Variants in MBTPS1 observed in about 807,000 individuals in gnomAD.
MBTPS1 encodes membrane bound transcription factor peptidase, site 1.
Under a neutral mutation model 127.8 loss-of-function variants are expected in MBTPS1, and 94 were observed. The observed-to-expected ratio is 0.74, with a 90% CI of 0.62 to 0.87. MBTPS1 has a LOEUF of 0.87. Ranked by LOEUF, MBTPS1 falls within the 40% of genes least tolerant of loss-of-function variation. The pLI is 0.00. For missense variants in MBTPS1, 1,636 were observed against 1,353.2 expected (o/e 1.21, Z -3.28); for synonymous variants, 632 against 509.4 (o/e 1.24, Z -3.24).
intron 11 of MBTPS1, among the ~76,000 whole-genome samples, chr16:84,077,532 G>GT (rs1478421545): frequency 2.0e-5 from 3 of 152,158 alleles, no homozygotes; most frequent in Non-Finnish European, 2.9e-5. Context: ...TAACAAATGG[G>GT]TGGCCATTTG....
Position 84,070,584 on chromosome 16 carries a change from C to T in MBTPS1, c.1782+4G>A, listed in dbSNP as rs1323885988. On this transcript the variant is annotated splice_donor_region_variant and intron_variant, in intron 13 of 22. Coordinates refer to ENST00000343411, the MANE Select transcript of MBTPS1 (RefSeq NM_003791.4). ...AAACAAGCCACTTTCCCGCATATCC[C>T]TACCTCTGTCTCTGCTGGGGAAGCC... 4 of 1,611,216 alleles carry T rather than the reference C, an allele frequency of 2.5e-6. No individual in the cohort carries two copies. The highest frequency in any genetic ancestry group is 3.4e-6 in the Non-Finnish European group (4 of 1,179,560).
At chr16:84,060,454 G>A (rs1373428726) in intron 20 of MBTPS1, 1 of 487,802 alleles carries the variant, frequency 2.1e-6, no homozygotes, top group Non-Finnish European at 3.7e-6. Flanking sequence ...GTGCACGTGG[G>A]AAAGCAGCTG....
chr16:84,095,933 A>T, intron 3 of MBTPS1, 128 bp from the exon 4 acceptor site: 2 of 688,606 alleles, frequency 2.9e-6, no homozygotes, highest in Non-Finnish European at 5.0e-6. Context: ...AAGTGGGATT[A>T]TCTTCTTTTT....
chr16:84,101,673 G>A lies in MBTPS1; in HGVS notation c.111C>T (p.Gly37=). The A allele has an allele frequency of 2.5e-6, 4 of 1,614,130 alleles. No individual in the cohort carries two copies. Among genetic ancestry groups the A allele is most frequent in the South Asian group, 1.1e-5 (1 of 91,078 alleles). Residue 37 remains glycine (G), a synonymous_variant, in exon 2 of 23, where the codon GGC becomes GGT. Coordinates refer to ENST00000343411, the MANE Select transcript of MBTPS1 (RefSeq NM_003791.4). The part of the protein sequence containing the change: ...KKSFEKAPCP[G]CSHLTLKVEF... ...CCACCTTCAAAGTCAGGTGGGAACA[G>A]CCAGGGCATGGGGCCTTTTCAAAAG...
intron 22 of MBTPS1, among the ~76,000 whole-genome samples, chr16:84,055,679 GT>G (rs11318189): frequency 0.35 from 53,734 of 152,124 alleles, 9,587 homozygotes; most frequent in Admixed American, 0.44. Context: ...TGTAAGGGAC[GT>G]TAATAGGTGG....
intron 10 of MBTPS1, among the ~76,000 whole-genome samples, chr16:84,083,754 G>T (rs528633211): frequency 6.6e-6 from 1 of 152,064 alleles, no homozygotes; most frequent in South Asian, 2.1e-4. Context: ...TTCCAAATAC[G>T]CAGAGTTTTG....
intron 8 of MBTPS1, among the ~76,000 whole-genome samples, chr16:84,088,302 G>A (rs2086058791): frequency 6.6e-6 from 1 of 152,092 alleles, no homozygotes. Context: ...TCCTTCTAGA[G>A]TGTGTTTTTA....
At chr16:84,056,450 C>A in intron 21 of MBTPS1, 1 of 220,792 alleles carries the variant, frequency 4.5e-6, no homozygotes, top group Non-Finnish European at 9.1e-6. Flanking sequence ...CAAGCGAGGC[C>A]CTGGAAGGAG....
chr16:84,072,907 G>A (rs2085793456), intron 12 of MBTPS1, among the ~76,000 whole-genome samples: 1 of 152,246 alleles, frequency 6.6e-6, no homozygotes, highest in African/African-American at 2.4e-5. Flanking sequence ...GATGTGCCAA[G>A]AGCCATCCTT....
At chr16:84,083,821 T>A (rs2085977723) in intron 10 of MBTPS1, among the ~76,000 whole-genome samples, 1 of 152,234 alleles carries the variant, frequency 6.6e-6, no homozygotes, top group Non-Finnish European at 1.5e-5. Flanking sequence ...TACAATTTAT[T>A]TTTGGGGAAA....
chr16:84,101,786 TC>T lies in MBTPS1; in HGVS notation c.-4del, dbSNP rs1412681132. The T allele has an allele frequency of 2.5e-6, 4 of 1,608,130 alleles. No individual in the cohort carries two copies. Among genetic ancestry groups the T allele is most frequent in the Non-Finnish European group, 3.4e-6 (4 of 1,176,800 alleles). On this transcript the variant is annotated 5_prime_UTR_variant, in exon 2 of 23. An upstream open reading frame in the 5' UTR loses its in-frame stop. Coordinates refer to ENST00000343411, the MANE Select transcript of MBTPS1 (RefSeq NM_003791.4). ...AGCCAGATGTTGACAAGCTTCATGGTCACAAGCGAATATGATCATAAAATTG... is the reference window on the plus strand; with the variant it reads ...AGCCAGATGTTGACAAGCTTCATGGTACAAGCGAATATGATCATAAAATTG...
intron 1 of MBTPS1, chr16:84,109,323 AACC>A (rs535359148): frequency 2.6e-5 from 4 of 152,262 alleles, no homozygotes; most frequent in Non-Finnish European, 5.9e-5. Flanking sequence ...AACAGATCCC[AACC>A]CGTGGAATAA....
chr16:84,082,909 T>C (rs1398628196), intron 10 of MBTPS1, among the ~76,000 whole-genome samples: 2 of 152,258 alleles, frequency 1.3e-5, no homozygotes, highest in Non-Finnish European at 2.9e-5. Flanking sequence ...CCGCCACTGC[T>C]GCTCGGCTTC....
intron 11 of MBTPS1, among the ~76,000 whole-genome samples, chr16:84,079,339 T>G (rs1358062051): frequency 2.0e-5 from 3 of 152,194 alleles, no homozygotes; most frequent in African/African-American, 7.2e-5. Flanking sequence ...AACACATCCT[T>G]AGAACCACAG....
intron 19 of MBTPS1, among the ~76,000 whole-genome samples, 198 bp downstream of exon 19, chr16:84,063,107 C>T (rs1313392656): frequency 6.6e-6 from 1 of 152,254 alleles, no homozygotes; most frequent in African/African-American, 2.4e-5. Flanking sequence ...CTTTGTTTTG[C>T]TTATTAAATG....
chr16:84,056,133 T>C lies in MBTPS1; in HGVS notation c.2834A>G (p.Asn945Ser). ...PQPLNETAPSNLWKHQKLLSI... is the reference protein window; with the variant it reads ...PQPLNETAPSSLWKHQKLLSI... ...GAGTAGCTTCTGATGTTTCCAAAGGTTACTTCAGGAAAATGGATTAAAACA... is the reference window on the plus strand; with the variant it reads ...GAGTAGCTTCTGATGTTTCCAAAGGCTACTTCAGGAAAATGGATTAAAACA... Residue 945 changes from asparagine to serine, a missense_variant and splice_region_variant, in exon 22 of 23, where the codon AAC becomes AGC. Transcript: ENST00000343411. The C allele has an allele frequency of 6.2e-7, 1 of 1,613,442 alleles. No homozygotes were observed. The highest frequency in any genetic ancestry group is 8.5e-7 in the Non-Finnish European group (1 of 1,179,390).
intron 11 of MBTPS1, among the ~76,000 whole-genome samples, chr16:84,079,827 G>T (rs2085913544): frequency 6.6e-6 from 1 of 152,250 alleles, no homozygotes; most frequent in African/African-American, 2.4e-5. Flanking sequence ...ACACAGATAG[G>T]CAGATACAGA....
At chr16:84,106,681 T>G (rs752739265) in intron 1 of MBTPS1, among the ~76,000 whole-genome samples, 46 of 152,214 alleles carry the variant, frequency 3.0e-4, no homozygotes, top group Non-Finnish European at 5.7e-4. Flanking sequence ...GAGGCAGTCC[T>G]GAGCACGTGT....
intron 21 of MBTPS1, 70 bp downstream of exon 21, chr16:84,059,232 C>G (rs1238724014): frequency 6.5e-7 from 1 of 1,540,910 alleles, no homozygotes; most frequent in African/African-American, 1.4e-5. Flanking sequence ...AAATTCCATT[C>G]TCTCCTATAA....
Sources: gnomAD v4.1 joint callset for allele counts (sites outside exome capture counted in the v4.1 genomes callset) on GRCh38, gnomAD v4.1.1 for gene constraint, MANE v1.5 for transcripts, NCBI Gene and HGNC (gene_info 2026-07-23, HGNC 2026-07-21) for gene names.